Variants in SLA observed in about 807,000 individuals in gnomAD.
SLA encodes the protein Src like adaptor.
SLA carries 16 observed loss-of-function variants against 30.3 expected under a neutral mutation model. The observed-to-expected ratio is 0.53, with a 90% CI of 0.36 to 0.80. The LOEUF is 0.80. Among genes scored for constraint, SLA ranks in the 30% least tolerant of loss-of-function variants. SLA has a pLI of 0.01. For missense variants in SLA, 310 were observed against 345.2 expected (o/e 0.90, Z 0.81); for synonymous variants, 143 against 137.8 (o/e 1.04, Z -0.26).
At chr8:133,050,309 C>T (rs1840163044) in intron 4 of SLA, 1 of 387,446 alleles carries the variant, frequency 2.6e-6, no homozygotes, top group Non-Finnish European at 4.8e-6. Flanking sequence ...TTGATTTATG[C>T]TCTGCAGTAT....
chr8:133,069,637 C>A (rs1454150344), intron 2 of SLA, among the ~76,000 whole-genome samples: 1 of 152,092 alleles, frequency 6.6e-6, no homozygotes, highest in East Asian at 1.9e-4. Context: ...GAGCAGCCAG[C>A]AGGTTTGTTT....
At chr8:133,094,231 C>T (rs567327080) in intron 1 of SLA, among the ~76,000 whole-genome samples, 2 of 146,110 alleles carry the variant, frequency 1.4e-5, no homozygotes, top group South Asian at 4.3e-4. Context: ...AAAGAAGAAA[C>T]CTGTCGTTTT....
At chr8:133,095,882 T>C (rs1848328713) in intron 1 of SLA, among the ~76,000 whole-genome samples, 7 of 152,120 alleles carry the variant, frequency 4.6e-5, no homozygotes, top group Admixed American at 4.6e-4. Context: ...CCTGTCAGAG[T>C]CACTGCCTCC....
intron 6 of SLA, 142 bp downstream of exon 6, chr8:133,047,688 G>C (rs1265206714): frequency 1.5e-6 from 1 of 680,314 alleles, no homozygotes; most frequent in African/African-American, 1.8e-5. Context: ...CCAGCAGCGT[G>C]TGGGCTGCAG....
intron 1 of SLA, among the ~76,000 whole-genome samples, chr8:133,092,180 G>A (rs1847659671): frequency 6.6e-6 from 1 of 152,112 alleles, no homozygotes; most frequent in African/African-American, 2.4e-5. Flanking sequence ...CTCCTTGATT[G>A]CGTGAGTGTG....
intron 1 of SLA, among the ~76,000 whole-genome samples, chr8:133,091,025 T>G (rs1476141078): frequency 7.2e-5 from 11 of 152,194 alleles, no homozygotes; most frequent in Admixed American, 7.2e-4. Context: ...AACTCTACCC[T>G]GGAGCCCCCT....
At position 133,065,926 on chromosome 8, in the gene SLA, G is replaced by T. The variant is rs575242962; in HGVS notation, c.-40-5726C>A. Reference sequence around the variant, plus strand: ...GCAGTGTTTGGAAGCCCGGGTCTGGGTTTCCAGCGGGGATGAGGGGTGCAG... The same window carrying T: ...GCAGTGTTTGGAAGCCCGGGTCTGGTTTTCCAGCGGGGATGAGGGGTGCAG... On this transcript the variant is annotated intron_variant, in intron 2 of 8. Transcript: ENST00000338087. Among the ~76,000 whole-genome samples the T allele has an allele frequency of 2.6e-5, 4 of 152,278 alleles. No homozygotes were observed. In the South Asian group the frequency reaches 8.3e-4, roughly 32 times the overall value.
intron 1 of SLA, among the ~76,000 whole-genome samples, chr8:133,100,909 A>G (rs761724015): frequency 6.6e-6 from 1 of 152,198 alleles, no homozygotes; most frequent in Non-Finnish European, 1.5e-5. Context: ...ACTTTACGTT[A>G]TCTCAACTGT....
At chr8:133,083,434 G>C (rs1055130250) in intron 1 of SLA, among the ~76,000 whole-genome samples, 9 of 152,086 alleles carry the variant, frequency 5.9e-5, no homozygotes, top group African/African-American at 1.9e-4. Flanking sequence ...TTTTACATTA[G>C]GGGAAACTAA....
chr8:133,049,927 T>C lies in SLA; in HGVS notation c.223A>G (p.Ile75Val). Residue 75 changes from isoleucine to valine, a missense_variant, in exon 5 of 9, where the codon ATA becomes GTA. By Grantham distance (29) the Ile-to-Val change is conservative (BLOSUM62 3). Transcript: ENST00000338087. The part of the protein sequence containing the change: ...STGRESYIPG[I>V]CVARVYHGWL... Reference sequence around the variant, plus strand: ...CCATGGTAAACTCTGGCCACACATATTCCAGGGATGTAACTCTCTCGACCA... The same window carrying C: ...CCATGGTAAACTCTGGCCACACATACTCCAGGGATGTAACTCTCTCGACCA... 6.2e-7 allele frequency: 1 copy of C among 1,612,990 alleles called. No homozygotes were observed. The highest frequency in any genetic ancestry group is 8.5e-7 in the Non-Finnish European group (1 of 1,178,954).
chr8:133,068,568 T>C (rs1338858691), intron 2 of SLA, among the ~76,000 whole-genome samples: 1 of 152,224 alleles, frequency 6.6e-6, no homozygotes, highest in East Asian at 1.9e-4. Context: ...ATATGTGCCT[T>C]CCTGGGTGTT....
At chr8:133,099,828 C>T (rs1245499479) in intron 1 of SLA, among the ~76,000 whole-genome samples, 1 of 152,222 alleles carries the variant, frequency 6.6e-6, no homozygotes, top group African/African-American at 2.4e-5. Context: ...ACCCTGCTCC[C>T]CTACCTCTTC....
chr8:133,084,758 C>G (rs1279677635), intron 1 of SLA, among the ~76,000 whole-genome samples: 1 of 152,232 alleles, frequency 6.6e-6, no homozygotes, highest in Admixed American at 6.5e-5. Context: ...CGCTCCCCCA[C>G]AGGGGCCTGG....
At chr8:133,042,131 C>A (rs1838374472) in intron 7 of SLA, among the ~76,000 whole-genome samples, 1 of 152,074 alleles carries the variant, frequency 6.6e-6, no homozygotes, top group South Asian at 2.1e-4. Flanking sequence ...AACTGAGCAT[C>A]CCGAGATGAA....
intron 2 of SLA, among the ~76,000 whole-genome samples, chr8:133,060,556 G>A (rs1477239581): frequency 6.6e-6 from 1 of 152,198 alleles, no homozygotes; most frequent in African/African-American, 2.4e-5. Context: ...CCACTCAGGG[G>A]CCCTCACCAT....
intron 2 of SLA, among the ~76,000 whole-genome samples, chr8:133,065,613 T>A (rs1842928121): frequency 1.3e-5 from 2 of 151,826 alleles, no homozygotes; most frequent in South Asian, 4.2e-4. Context: ...AATACAAAAA[T>A]TAGCCGGACA....
At chr8:133,087,675 A>G (rs144578114) in intron 1 of SLA, 58 of 152,346 alleles carry the variant, frequency 3.8e-4, no homozygotes, top group African/African-American at 1.1e-3. Context: ...GAATAGTCTA[A>G]AAAGTATAAA....
chr8:133,059,347 G>T (rs1842032474), intron 3 of SLA, among the ~76,000 whole-genome samples: 1 of 152,178 alleles, frequency 6.6e-6, no homozygotes, highest in African/African-American at 2.4e-5. Context: ...TAAAGGTCAG[G>T]CCATTAGAAG....
chr8:133,045,855 G>A (rs1267170208), intron 6 of SLA, among the ~76,000 whole-genome samples: 1 of 150,780 alleles, frequency 6.6e-6, no homozygotes, highest in Non-Finnish European at 1.5e-5. Flanking sequence ...CTACTGTTTT[G>A]CTCTTTCAGC....
Sources: allele counts gnomAD v4.1 joint callset (sites outside exome capture counted in the v4.1 genomes callset), GRCh38; gene constraint gnomAD v4.1.1; transcripts MANE v1.5; gene names NCBI Gene and HGNC (gene_info 2026-07-23, HGNC 2026-07-21).